RFXANK: variants seen among roughly 807,000 people sequenced by gnomAD.
RFXANK encodes DNA-binding protein RFXANK.
In RFXANK, 19 loss-of-function variants were observed where a neutral mutation model predicts 34.5. The ratio of observed to expected loss-of-function variants is 0.55; its 90% CI spans 0.38 to 0.81. The LOEUF (loss-of-function observed/expected upper bound fraction) is 0.81, where lower values mean the gene tolerates loss of function less well. Among genes scored for constraint, RFXANK ranks in the 30% least tolerant of loss-of-function variants. RFXANK has a pLI of 0.00. For synonymous variants in RFXANK, 154 were observed against 149.8 expected, an observed-to-expected ratio of 1.03 and a Z score of -0.20; for missense variants, 295 against 343.5, an observed-to-expected ratio of 0.86 and a Z score of 1.12.
Position 19,198,657 on chromosome 19 carries a change from A to C in RFXANK, c.565A>C (p.Asn189His), listed in dbSNP as rs752740364. The C allele has an allele frequency of 6.2e-7, 1 of 1,613,552 alleles. No homozygotes were observed. Among genetic ancestry groups the C allele is most frequent in the East Asian group, 2.2e-5 (1 of 44,878 alleles). ...TTTCTCCTGCCCCTACCCACGACAG[A>C]ATGGAGGGACGCCACTGCTGTACGC... Reference protein sequence around the residue: ...RDVDINIYDWNGGTPLLYAVR... With the variant: ...RDVDINIYDWHGGTPLLYAVR... The change falls in exon 8 of 10, where the codon AAT becomes CAT. Residue 189 changes from asparagine (N) to histidine (H), a missense_variant and splice_region_variant. Transcript: ENST00000303088.
intron 8 of RFXANK, 151 bp downstream of exon 8, chr19:19,198,874 G>C (rs1390698156): frequency 1.1e-6 from 1 of 873,978 alleles, no homozygotes; most frequent in African/African-American, 1.7e-5. Context: ...GATCAGAGGG[G>C]AGGAGGTGGT....
Position 19,193,823 on chromosome 19 carries a change from A to G in RFXANK, c.-8-116A>G, listed in dbSNP as rs2060543929. On this transcript the variant is annotated intron_variant, in intron 2 of 9. Transcript: ENST00000303088. ...TTCATTTCCCTGGCTCTGGTAATTA[A>G]CCTGGACCTCAGTTTACCCACCCTC... 6.0e-6 allele frequency: 7 copies of G among 1,165,740 alleles called. No individual in the cohort carries two copies. In the Admixed American group the frequency reaches 1.2e-4, roughly 20 times the overall value. 72.2% of individuals were successfully genotyped at this position (1,165,740 alleles called of 1,614,324 possible).
chr19:19,193,985 C>G lies in RFXANK; in HGVS notation c.39C>G (p.Thr13=). 6.2e-7 allele frequency: 1 copy of G among 1,614,222 alleles called. No homozygotes were observed. The change falls in exon 3 of 10, where the codon ACC becomes ACG. Residue 13 remains threonine, a synonymous_variant. Transcript: ENST00000303088. Reference sequence around the variant, plus strand: ...AGCCTGCAGAAGACCTCATCCAGACCCAGCAGACCCCTGCCTCAGAACTTG... The same window carrying G: ...AGCCTGCAGAAGACCTCATCCAGACGCAGCAGACCCCTGCCTCAGAACTTG... The part of the protein sequence containing the change: ...LTQPAEDLIQ[T]QQTPASELGD...
chr19:19,199,652 A>G (rs993078143), intron 9 of RFXANK, among the ~76,000 whole-genome samples: 1 of 151,924 alleles, frequency 6.6e-6, no homozygotes, highest in Non-Finnish European at 1.5e-5. Flanking sequence ...GGGAGGGAGA[A>G]TGGCATCCAG....
rs772851936 is a variant in RFXANK, at chr19:19,192,258, C to T, written c.-446C>T. ...GGGCCCGCCCTCCCCGCTCCTCAGT[C>T]TTTGCGGACAAGAAAGGGGCTGTGT... On this transcript the variant is annotated 5_prime_UTR_variant, in exon 1 of 10. Transcript: ENST00000303088. The T allele has an allele frequency of 8.8e-7, 1 of 1,134,264 alleles. No homozygotes were observed. The highest frequency in any genetic ancestry group is 1.3e-6 in the Non-Finnish European group (1 of 792,650). The allele number at this position is 1,134,264 out of a possible 1,614,324, so 70.3% of individuals were successfully genotyped here. A position where few individuals can be genotyped will look rare whatever the true frequency, so the allele number is the denominator to read the frequency against.
At chr19:19,193,849 A>T in intron 2 of RFXANK, 90 bp from the exon 3 acceptor site, 1 of 1,424,294 alleles carries the variant, frequency 7.0e-7, no homozygotes, top group Non-Finnish European at 9.8e-7. Flanking sequence ...ACCCACCCTC[A>T]CAGTGCAAGG....
Position 19,201,728 on chromosome 19 carries a change from T to C in RFXANK, c.*9T>C, listed in dbSNP as rs73922832. 5.3e-3 allele frequency: 8,608 copies of C among 1,613,872 alleles called. 388 individuals carry two copies. The African/African-American group carries it at 0.1, about 19-fold the overall frequency. On this transcript the variant is annotated 3_prime_UTR_variant, in exon 10 of 10. Transcript: ENST00000303088. ...CCGCTGACCCTGAGTGAAGGCCGCC[T>C]GCCGGGGACTCAGACACTCAGGGAA...
At chr19:19,194,293 C>T (rs1403052247) in intron 3 of RFXANK, among the ~76,000 whole-genome samples, 160 bp downstream of exon 3, 3 of 152,102 alleles carry the variant, frequency 2.0e-5, no homozygotes, top group East Asian at 3.8e-4. Context: ...AGTGCAATGG[C>T]GTGATCTCAG....
chr19:19,197,957 A>G, intron 6 of RFXANK, 150 bp from the exon 7 acceptor site: 5 of 1,070,072 alleles, frequency 4.7e-6, no homozygotes, highest in Non-Finnish European at 7.0e-6. Flanking sequence ...GGTAGCAGTG[A>G]GCCGAGATTG....
chr19:19,193,450 G>C (rs1231222431), intron 2 of RFXANK, among the ~76,000 whole-genome samples: 1 of 108,744 alleles, frequency 9.2e-6, no homozygotes, highest in Non-Finnish European at 1.7e-5. Flanking sequence ...ACAGAGTCTT[G>C]CTCTGTCGCC....
intron 9 of RFXANK, 72 bp from the exon 10 acceptor site, chr19:19,201,577 G>A (rs762509442): frequency 6.7e-5 from 108 of 1,610,916 alleles, no homozygotes; most frequent in Middle Eastern, 1.6e-4. Flanking sequence ...AGGGGAGAGC[G>A]CAGGTTGGCC....
intron 6 of RFXANK, among the ~76,000 whole-genome samples, chr19:19,197,905 T>C (rs2060630062): frequency 6.6e-6 from 1 of 151,396 alleles, no homozygotes; most frequent in Non-Finnish European, 1.5e-5. Flanking sequence ...CCAGGTACTC[T>C]GGAGGCTGAG....
At chr19:19,195,804 C>T (rs144693432) in intron 3 of RFXANK, among the ~76,000 whole-genome samples, 1,742 of 137,086 alleles carry the variant, frequency 0.013, 22 homozygotes, top group East Asian at 0.057. Context: ...AGTGCAGTGG[C>T]GTGATCTCTC....
intron 3 of RFXANK, 26 bp from the exon 4 acceptor site, chr19:19,196,937 A>C: frequency 6.2e-7 from 1 of 1,603,736 alleles, no homozygotes; most frequent in Non-Finnish European, 8.5e-7. Context: ...CTGAGGGGAA[A>C]CTGACGCCTG....
At chr19:19,197,143 A>G (rs2060613840) in intron 4 of RFXANK, 43 bp from the exon 5 acceptor site, 1 of 1,612,994 alleles carries the variant, frequency 6.2e-7, no homozygotes, top group Admixed American at 1.7e-5. Context: ...AGGCACAGAG[A>G]AGCAAGGGGA....
intron 3 of RFXANK, among the ~76,000 whole-genome samples, chr19:19,194,802 T>G (rs1233958827): frequency 2.6e-5 from 4 of 151,886 alleles, no homozygotes; most frequent in African/African-American, 4.8e-5. Flanking sequence ...TGCCCGGCCC[T>G]TCACACCTGT....
intron 9 of RFXANK, among the ~76,000 whole-genome samples, chr19:19,199,913 G>T (rs1369058353): frequency 6.6e-6 from 1 of 152,202 alleles, no homozygotes; most frequent in Non-Finnish European, 1.5e-5. Flanking sequence ...GGGGTGCTTA[G>T]GAAATATCCC....
At chr19:19,194,392 C>T (rs2060559617) in intron 3 of RFXANK, among the ~76,000 whole-genome samples, 1 of 152,178 alleles carries the variant, frequency 6.6e-6, no homozygotes, top group Admixed American at 6.5e-5. Context: ...GCCACTACGC[C>T]CAGCTAATTT....
At chr19:19,201,011 G>A (rs1248553606) in intron 9 of RFXANK, 2 of 197,196 alleles carry the variant, frequency 1.0e-5, no homozygotes, top group Non-Finnish European at 2.1e-5. Flanking sequence ...TGTTGGTCAG[G>A]TGATCTCAAA....
Sources: allele counts gnomAD v4.1 joint callset (sites outside exome capture counted in the v4.1 genomes callset), GRCh38; gene constraint gnomAD v4.1.1; transcripts MANE v1.5; gene names NCBI Gene and HGNC (gene_info 2026-07-23, HGNC 2026-07-21).